SORCS3: variants seen among roughly 807,000 people sequenced by gnomAD.
The protein encoded by SORCS3 is sortilin related VPS10 domain containing receptor 3.
Under a neutral mutation model 146.3 loss-of-function variants are expected in SORCS3, and 57 were observed. The ratio of observed to expected loss-of-function variants is 0.39; its 90% CI spans 0.31 to 0.49. The LOEUF (loss-of-function observed/expected upper bound fraction) is 0.49. Ranked by LOEUF, SORCS3 falls within the 20% of genes least tolerant of loss-of-function variation. SORCS3 has a pLI of 0.92. For missense variants in SORCS3, 1,341 were observed against 1,575.5 expected, an observed-to-expected ratio of 0.85 and a Z score of 2.52; for synonymous variants, 653 against 618.5, an observed-to-expected ratio of 1.06 and a Z score of -0.83.
intron 1 of SORCS3, among the ~76,000 whole-genome samples, chr10:104,698,191 A>G (rs1380308974): frequency 6.6e-6 from 1 of 152,098 alleles, no homozygotes. Context: ...TGAAGTAAGG[A>G]AGGCAGGCAT....
At chr10:105,039,008 C>T (rs903130563) in intron 4 of SORCS3, among the ~76,000 whole-genome samples, 9 of 152,302 alleles carry the variant, frequency 5.9e-5, no homozygotes, top group Middle Eastern at 3.4e-3. Context: ...ATACCAAGGC[C>T]TACTTTGCAT....
chr10:105,061,504 C>T (rs1170050052), intron 5 of SORCS3, among the ~76,000 whole-genome samples: 1 of 151,798 alleles, frequency 6.6e-6, no homozygotes, highest in Non-Finnish European at 1.5e-5. Context: ...ACCGTGTTAG[C>T]CAGGATGCTC....
chr10:105,130,483 C>T (rs575834185), intron 7 of SORCS3, among the ~76,000 whole-genome samples: 1 of 152,214 alleles, frequency 6.6e-6, no homozygotes, highest in South Asian at 2.1e-4. Context: ...CAAGAAGTTG[C>T]TCGGCAGGGC....
At chr10:105,167,683 T>A (rs1289355591) in intron 13 of SORCS3, among the ~76,000 whole-genome samples, 2 of 152,126 alleles carry the variant, frequency 1.3e-5, no homozygotes, top group Non-Finnish European at 2.9e-5. Flanking sequence ...GTTAGGTACA[T>A]GTAACAGATA....
In SORCS3 at chr10:105,264,975, T is replaced by C. The variant is rs1165317133; in HGVS notation, c.*1601T>C. The stretch of plus-strand genomic sequence containing the variant: ...TTTGTGAGACAGAGAGAATGTGATA[T>C]AGAGAAATCTGGCTGGCTACAGTGT... On this transcript the variant is annotated 3_prime_UTR_variant, in exon 27 of 27. Transcript: ENST00000369701. The C allele has an allele frequency of 1.3e-5, 2 of 152,656 alleles. No homozygotes were observed. Among genetic ancestry groups the C allele is most frequent in the Non-Finnish European group, 2.9e-5 (2 of 68,042 alleles). The allele number at this position is 152,656 out of a possible 1,614,324, so 9.5% of individuals were successfully genotyped here.
At chr10:105,230,042 G>T (rs764548820) in intron 20 of SORCS3, among the ~76,000 whole-genome samples, 6 of 152,176 alleles carry the variant, frequency 3.9e-5, no homozygotes, top group South Asian at 2.1e-4. Context: ...ACAGATGGGT[G>T]CCAGCTCTGG....
chr10:104,977,041 C>T (rs1346907900), intron 3 of SORCS3, among the ~76,000 whole-genome samples: 2 of 151,730 alleles, frequency 1.3e-5, no homozygotes, highest in Admixed American at 1.3e-4. Context: ...CACATATACC[C>T]TAAAACTTGA....
chr10:105,014,066 T>A (rs946066631), intron 4 of SORCS3, among the ~76,000 whole-genome samples: 5 of 127,626 alleles, frequency 3.9e-5, no homozygotes, highest in African/African-American at 1.6e-4. Context: ...GATCTAAATA[T>A]ACATATATAT....
At chr10:104,842,346 C>CA (rs1472026040) in intron 1 of SORCS3, among the ~76,000 whole-genome samples, 5 of 152,214 alleles carry the variant, frequency 3.3e-5, no homozygotes, top group Non-Finnish European at 7.3e-5. Context: ...ACCCCTTTTA[C>CA]AGACAGAATC....
intron 1 of SORCS3, among the ~76,000 whole-genome samples, chr10:104,801,716 G>A (rs960765103): frequency 5.3e-5 from 8 of 152,138 alleles, no homozygotes; most frequent in East Asian, 1.9e-4. Context: ...AGCAGGGCCC[G>A]AAAGAAGGAA....
chr10:104,706,891 G>T (rs376140735), intron 1 of SORCS3, among the ~76,000 whole-genome samples: 1 of 152,040 alleles, frequency 6.6e-6, no homozygotes, highest in African/African-American at 2.4e-5. Context: ...TCTTTTAAAC[G>T]TAAGTGTGGG....
intron 1 of SORCS3, among the ~76,000 whole-genome samples, chr10:104,756,752 C>T (rs1390778006): frequency 3.3e-5 from 5 of 152,236 alleles, no homozygotes; most frequent in African/African-American, 9.6e-5. Context: ...GTAACACTTT[C>T]AAGACAGCTC....
At chr10:105,220,986 G>T (rs1467624459) in intron 19 of SORCS3, among the ~76,000 whole-genome samples, 2 of 152,156 alleles carry the variant, frequency 1.3e-5, no homozygotes, top group Admixed American at 1.3e-4. Flanking sequence ...GAGAAATCTT[G>T]AGATGCCATA....
At chr10:104,716,948 T>C (rs563724156) in intron 1 of SORCS3, among the ~76,000 whole-genome samples, 1 of 152,314 alleles carries the variant, frequency 6.6e-6, no homozygotes, top group South Asian at 2.1e-4. Context: ...AGAAGTCATT[T>C]TTCTAATTGT....
intron 3 of SORCS3, among the ~76,000 whole-genome samples, chr10:104,942,620 T>A (rs1429023865): frequency 6.6e-6 from 1 of 152,232 alleles, no homozygotes. Flanking sequence ...ATTTTAGGAA[T>A]GCAAGGTCAC....
chr10:105,088,966 A>G (rs970503089), intron 5 of SORCS3, among the ~76,000 whole-genome samples: 1 of 152,182 alleles, frequency 6.6e-6, no homozygotes, highest in African/African-American at 2.4e-5. Flanking sequence ...GGATTGTGTG[A>G]TCTTTAGTAA....
At chr10:105,144,505 C>T (rs2056117384) in intron 8 of SORCS3, among the ~76,000 whole-genome samples, 1 of 152,164 alleles carries the variant, frequency 6.6e-6, no homozygotes, top group South Asian at 2.1e-4. Context: ...CACCATTGTT[C>T]ACCTAGGAAG....
chr10:104,832,934 G>C (rs1284327502), intron 1 of SORCS3, among the ~76,000 whole-genome samples: 11 of 152,076 alleles, frequency 7.2e-5, no homozygotes, highest in Non-Finnish European at 5.9e-5. Context: ...TTGGTATTTG[G>C]ACCATATTTT....
chr10:104,766,092 T>C (rs1221258658), intron 1 of SORCS3, among the ~76,000 whole-genome samples: 2 of 152,254 alleles, frequency 1.3e-5, no homozygotes, highest in Admixed American at 1.3e-4. Context: ...TCTGGCATTA[T>C]TCTGCTGCAT....
Sources: allele counts gnomAD v4.1 joint callset (sites outside exome capture counted in the v4.1 genomes callset), GRCh38; gene constraint gnomAD v4.1.1; transcripts MANE v1.5; gene names NCBI Gene and HGNC (gene_info 2026-07-23, HGNC 2026-07-21).